The following PCMT1 variants were observed in gnomAD, a reference collection of about 807,000 sequenced individuals.
The protein encoded by PCMT1 is protein-L-isoaspartate (D-aspartate) O-methyltransferase.
Under a neutral mutation model 29.2 loss-of-function variants are expected in PCMT1, and 9 were observed. That is an observed-to-expected ratio of 0.31 (90% CI 0.19 to 0.54). The LOEUF (loss-of-function observed/expected upper bound fraction) is 0.54, where lower values mean the gene tolerates loss of function less well. Ranked by LOEUF, PCMT1 falls within the 20% of genes least tolerant of loss-of-function variation. The pLI, the probability that PCMT1 is intolerant of heterozygous loss-of-function variation, is 0.95. For synonymous variants in PCMT1, 98 were observed against 97.5 expected, an observed-to-expected ratio of 1.00 and a Z score of -0.03; for missense variants, 184 against 282.2, an observed-to-expected ratio of 0.65 and a Z score of 2.49.
chr6:149,803,641 A>G lies in PCMT1; in HGVS notation c.*37+1225A>G, dbSNP rs139305333. On this transcript the variant is annotated intron_variant, in intron 7 of 7. Transcript: ENST00000464889. The stretch of plus-strand genomic sequence containing the variant: ...GGCTTTACAGTTTCCTTGTCTTAGC[A>G]TCTTATTTTTATTTGACATAAAGAT... Among the ~76,000 whole-genome samples the G allele has an allele frequency of 1.3e-3, 198 of 152,222 alleles. 1 individual carries two copies. Among genetic ancestry groups the G allele is most frequent in the African/African-American group, 4.5e-3 (187 of 41,560 alleles).
chr6:149,785,865 C>T (rs1040280033), intron 3 of PCMT1, among the ~76,000 whole-genome samples: 2 of 152,238 alleles, frequency 1.3e-5, no homozygotes, highest in African/African-American at 2.4e-5. Context: ...CCTTTCCCCC[C>T]TTTCTATTCC....
At chr6:149,756,575 G>A (rs1272116547) in intron 1 of PCMT1, among the ~76,000 whole-genome samples, 2 of 134,012 alleles carry the variant, frequency 1.5e-5, no homozygotes, top group Non-Finnish European at 3.1e-5. Context: ...ATGTTGCCCA[G>A]GCAGGTCTCA....
intron 7 of PCMT1, among the ~76,000 whole-genome samples, chr6:149,806,883 G>A (rs1476367501): frequency 6.6e-6 from 1 of 151,888 alleles, no homozygotes; most frequent in African/African-American, 2.4e-5. Context: ...TGAGCCACCA[G>A]CCTCAAACTT....
chr6:149,752,262 A>G (rs1270642186), intron 1 of PCMT1, among the ~76,000 whole-genome samples: 1 of 151,412 alleles, frequency 6.6e-6, no homozygotes, highest in Non-Finnish European at 1.5e-5. Context: ...CAATGGCGTG[A>G]TCTTGGCTCA....
intron 1 of PCMT1, 114 bp downstream of exon 1, chr6:149,750,070 C>G: frequency 7.1e-7 from 1 of 1,399,602 alleles, no homozygotes; most frequent in Non-Finnish European, 9.5e-7. Context: ...TGGAGGGCTT[C>G]GGCGCAGAGT....
At chr6:149,793,104 A>C (rs970766677) in intron 4 of PCMT1, among the ~76,000 whole-genome samples, 1 of 151,670 alleles carries the variant, frequency 6.6e-6, no homozygotes, top group South Asian at 2.1e-4. Context: ...CAGAGGTTGC[A>C]GTGAGCTGAG....
chr6:149,766,841 G>C (rs937006127), intron 1 of PCMT1, among the ~76,000 whole-genome samples: 2 of 152,068 alleles, frequency 1.3e-5, no homozygotes, highest in African/African-American at 4.8e-5. Context: ...CTATGGTTTT[G>C]GCTTTTCTAG....
intron 1 of PCMT1, among the ~76,000 whole-genome samples, chr6:149,769,332 T>TTTTTTTA (rs1787218354): frequency 1.4e-5 from 2 of 139,558 alleles, no homozygotes; most frequent in African/African-American, 5.3e-5. Flanking sequence ...TTTTTTTTTT[T>TTTTTTTA]GAGACTGAGT....
chr6:149,810,327 A>AT (rs1351967610), intron 7 of PCMT1, among the ~76,000 whole-genome samples: 1 of 152,158 alleles, frequency 6.6e-6, no homozygotes, highest in Non-Finnish European at 1.5e-5. Context: ...TCTAAAAGAT[A>AT]TTTTTTCTGA....
intron 3 of PCMT1, among the ~76,000 whole-genome samples, chr6:149,785,903 G>A (rs1343916245): frequency 4.6e-5 from 7 of 151,944 alleles, no homozygotes; most frequent in African/African-American, 1.7e-4. Context: ...ATCCTGGCCC[G>A]TTCTCAATGA....
chr6:149,791,688 T>A (rs972549215), intron 4 of PCMT1, among the ~76,000 whole-genome samples: 1 of 152,222 alleles, frequency 6.6e-6, no homozygotes, highest in Non-Finnish European at 1.5e-5. Flanking sequence ...TAAGGACTCA[T>A]ATTTTCTCAG....
chr6:149,779,252 T>C (rs1189290157), intron 3 of PCMT1, among the ~76,000 whole-genome samples: 2 of 141,668 alleles, frequency 1.4e-5, no homozygotes, highest in Non-Finnish European at 3.1e-5. Context: ...ATGTAAAACA[T>C]ATGGTGTAAC....
chr6:149,774,708 T>C (rs1244434603), intron 3 of PCMT1, among the ~76,000 whole-genome samples: 1 of 138,170 alleles, frequency 7.2e-6, no homozygotes, highest in Non-Finnish European at 1.7e-5. Context: ...TGGCTAACTT[T>C]TTTTTTTTTT....
intron 7 of PCMT1, among the ~76,000 whole-genome samples, chr6:149,805,666 A>G (rs866208381): frequency 1.3e-5 from 2 of 151,686 alleles, no homozygotes; most frequent in African/African-American, 2.4e-5. Flanking sequence ...GGCTGGGCAC[A>G]GTGGCTCACG....
chr6:149,797,256 G>A (rs1354333663), intron 6 of PCMT1: 6 of 152,114 alleles, frequency 3.9e-5, no homozygotes, highest in Non-Finnish European at 5.9e-5. Context: ...GGAAATTAGC[G>A]ATATGATAAC....
At chr6:149,790,662 C>T (rs1239687539) in intron 4 of PCMT1, among the ~76,000 whole-genome samples, 1 of 151,920 alleles carries the variant, frequency 6.6e-6, no homozygotes, top group Non-Finnish European at 1.5e-5. Context: ...GGAGACAGAG[C>T]AGTATAGCTG....
At chr6:149,778,004 A>T (rs1787649227) in intron 3 of PCMT1, among the ~76,000 whole-genome samples, 1 of 147,894 alleles carries the variant, frequency 6.8e-6, no homozygotes, top group South Asian at 2.1e-4. Context: ...AGCCTCTCAG[A>T]TAGCTGGGAT....
intron 3 of PCMT1, among the ~76,000 whole-genome samples, chr6:149,777,845 CTTCCTTCCTTCCTTCT>C (rs1407105407): frequency 7.1e-6 from 1 of 140,690 alleles, no homozygotes; most frequent in Admixed American, 7.3e-5. Flanking sequence ...TTTCTCCTTC[CTTCCTTCCTTCCTTCT>C]TTCCTTCTTT....
chr6:149,807,188 G>C (rs1776040378), intron 7 of PCMT1, among the ~76,000 whole-genome samples: 1 of 152,084 alleles, frequency 6.6e-6, no homozygotes, highest in Admixed American at 6.6e-5. Context: ...TAGAAGGGGA[G>C]ACAATGCCAG....
Sources: allele counts gnomAD v4.1 joint callset (sites outside exome capture counted in the v4.1 genomes callset), GRCh38; gene constraint gnomAD v4.1.1; transcripts MANE v1.5; gene names NCBI Gene and HGNC (gene_info 2026-07-23, HGNC 2026-07-21).